ITIH5: variants seen among roughly 807,000 people sequenced by gnomAD.
ITIH5 encodes the protein inter-alpha-trypsin inhibitor heavy chain H5.
Under a neutral mutation model 77.5 loss-of-function variants are expected in ITIH5, and 65 were observed. The observed-to-expected ratio is 0.84, with a 90% CI of 0.69 to 1.03. ITIH5 has a LOEUF of 1.03. Among genes scored for constraint, ITIH5 ranks in the 50% least tolerant of loss-of-function variants. ITIH5 has a pLI of 0.00. For synonymous variants in ITIH5, 525 were observed against 494.3 expected, an observed-to-expected ratio of 1.06 and a Z score of -0.82; for missense variants, 1,208 against 1,213.1, an observed-to-expected ratio of 1.00 and a Z score of 0.06.
chr10:7,662,218 G>A (rs896863511), intron 1 of ITIH5, among the ~76,000 whole-genome samples: 4 of 152,050 alleles, frequency 2.6e-5, no homozygotes, highest in African/African-American at 4.8e-5. Flanking sequence ...TTATCCAAGT[G>A]TGGTGGTGTG....
chr10:7,665,291 T>C (rs1834343652), intron 1 of ITIH5, among the ~76,000 whole-genome samples: 1 of 152,164 alleles, frequency 6.6e-6, no homozygotes, highest in African/African-American at 2.4e-5. Flanking sequence ...TTTCAGTCCA[T>C]CCCACACTGT....
At chr10:7,637,108 A>G in intron 5 of ITIH5, 120 bp downstream of exon 5, 1 of 1,274,084 alleles carries the variant, frequency 7.8e-7, no homozygotes, top group Non-Finnish European at 1.1e-6. Flanking sequence ...TCCAGTTCCT[A>G]CAAAAATGCA....
intron 1 of ITIH5, among the ~76,000 whole-genome samples, chr10:7,662,322 G>C (rs1020504161): frequency 6.6e-6 from 1 of 151,662 alleles, no homozygotes; most frequent in Non-Finnish European, 1.5e-5. Flanking sequence ...ATGCCACTGC[G>C]CTCCAGCCTG....
chr10:7,624,846 CAT>C (rs1225219515), intron 5 of ITIH5, among the ~76,000 whole-genome samples: 10 of 112,916 alleles, frequency 8.9e-5, no homozygotes, highest in South Asian at 5.7e-4. Context: ...TGTATATACA[CAT>C]ATATATGTGT....
At chr10:7,569,612 G>C in intron 12 of ITIH5, 56 bp downstream of exon 12, 1 of 1,084,186 alleles carries the variant, frequency 9.2e-7, no homozygotes, top group Middle Eastern at 2.1e-4. Flanking sequence ...GAACAGAGGG[G>C]GATGCAGTAC....
chr10:7,631,415 A>G (rs1833710167), intron 5 of ITIH5, among the ~76,000 whole-genome samples: 1 of 152,238 alleles, frequency 6.6e-6, no homozygotes, highest in Admixed American at 6.5e-5. Context: ...GGCAAGTCCC[A>G]CAAGTCCAAG....
chr10:7,573,971 C>T (rs924647649), intron 10 of ITIH5, among the ~76,000 whole-genome samples: 2 of 152,108 alleles, frequency 1.3e-5, no homozygotes, highest in African/African-American at 4.8e-5. Context: ...CAGCATTGAA[C>T]TGTACGCTTA....
At chr10:7,658,772 G>A (rs149177617) in intron 1 of ITIH5, among the ~76,000 whole-genome samples, 1 of 152,302 alleles carries the variant, frequency 6.6e-6, no homozygotes, top group African/African-American at 2.4e-5. Flanking sequence ...ATAAGAGGTT[G>A]TGGAGACCAA....
chr10:7,655,891 A>G (rs1834174313), intron 1 of ITIH5, among the ~76,000 whole-genome samples: 1 of 152,100 alleles, frequency 6.6e-6, no homozygotes, highest in African/African-American at 2.4e-5. Context: ...GATCTGGTTG[A>G]CTCTTAACCC....
chr10:7,632,516 C>G (rs1230229228), intron 5 of ITIH5, among the ~76,000 whole-genome samples: 1 of 152,188 alleles, frequency 6.6e-6, no homozygotes, highest in Non-Finnish European at 1.5e-5. Context: ...GAAAATCATA[C>G]AACCACACCT....
chr10:7,574,515 C>A lies in ITIH5; in HGVS notation c.1979-1320G>T, dbSNP rs1049717868. Among the ~76,000 whole-genome samples, 3 of 152,062 alleles carry A rather than the reference C, an allele frequency of 2.0e-5. No homozygotes were observed. In the South Asian group the frequency reaches 6.2e-4, roughly 32 times the overall value. ...AAAAAACAAAAAACAAAAAACCGGC[C>A]GGGCGCAGTGGCTCATGCCTGTAAT... On this transcript the variant is annotated intron_variant, in intron 10 of 13. Coordinates refer to ENST00000397146, the MANE Select transcript of ITIH5 (RefSeq NM_030569.7).
At chr10:7,612,530 C>T (rs1168777066) in intron 7 of ITIH5, among the ~76,000 whole-genome samples, 2 of 152,052 alleles carry the variant, frequency 1.3e-5, no homozygotes, top group Admixed American at 1.3e-4. Flanking sequence ...TGAATAAAAA[C>T]ATCAGAAGAC....
intron 7 of ITIH5, among the ~76,000 whole-genome samples, chr10:7,592,989 G>T (rs569301120): frequency 2.0e-5 from 3 of 152,248 alleles, no homozygotes; most frequent in African/African-American, 7.2e-5. Context: ...GGCCTGCCAG[G>T]AAGGCCACCC....
intron 13 of ITIH5, 24 bp downstream of exon 13, chr10:7,566,006 C>A: frequency 6.2e-7 from 1 of 1,603,580 alleles, no homozygotes; most frequent in Non-Finnish European, 8.5e-7. Context: ...CTATGCCCAG[C>A]GTGAGGAGAG....
At chr10:7,600,930 C>T (rs1833002336) in intron 7 of ITIH5, among the ~76,000 whole-genome samples, 1 of 152,166 alleles carries the variant, frequency 6.6e-6, no homozygotes. Flanking sequence ...TGATGTTGGA[C>T]TTTCCAACCT....
At chr10:7,665,815 C>T (rs1194674406) in intron 1 of ITIH5, among the ~76,000 whole-genome samples, 3 of 152,218 alleles carry the variant, frequency 2.0e-5, no homozygotes, top group Non-Finnish European at 4.4e-5. Flanking sequence ...CACTACGATG[C>T]CTCCTGGGAT....
At position 7,573,215 on chromosome 10, in the gene ITIH5, G is replaced by T. The variant is rs1198780839; in HGVS notation, c.1979-20C>A. The T allele has an allele frequency of 2.7e-5, 43 of 1,602,388 alleles. No individual in the cohort carries two copies. Among genetic ancestry groups the T allele is most frequent in the African/African-American group, 4.0e-5 (3 of 74,606 alleles). On this transcript the variant is annotated intron_variant, in intron 10 of 13. Coordinates refer to ENST00000397146, the MANE Select transcript of ITIH5 (RefSeq NM_030569.7). ...AAGGTCCTAAAAGGGAGAAGGAAGA[G>T]AACATCATGGTCATTCCTTAAAGAA...
intron 2 of ITIH5, among the ~76,000 whole-genome samples, chr10:7,650,576 A>G (rs1235859647): frequency 6.6e-6 from 1 of 152,126 alleles, no homozygotes; most frequent in Non-Finnish European, 1.5e-5. Flanking sequence ...CTCTATTAAA[A>G]ATGCAAAAAA....
At chr10:7,622,590 A>G (rs374768076) in intron 5 of ITIH5, 186 of 152,294 alleles carry the variant, frequency 1.2e-3, no homozygotes, top group African/African-American at 4.1e-3. Flanking sequence ...TTTTCTCTAT[A>G]CCACTGAAAG....
Sources: allele counts gnomAD v4.1 joint callset (sites outside exome capture counted in the v4.1 genomes callset), GRCh38; gene constraint gnomAD v4.1.1; transcripts MANE v1.5; gene names NCBI Gene and HGNC (gene_info 2026-07-23, HGNC 2026-07-21).